The following ECM1 variants were observed in gnomAD, a reference collection of about 807,000 sequenced individuals.
The protein encoded by ECM1 is secretory component p85.
In ECM1, 54 loss-of-function variants were observed where a neutral mutation model predicts 57.9. The ratio of observed to expected loss-of-function variants is 0.93; its 90% CI spans 0.75 to 1.17. The LOEUF (loss-of-function observed/expected upper bound fraction) is 1.17, where lower values mean the gene tolerates loss of function less well. ECM1 is among the 50% of genes most tolerant of loss of function. The pLI, the probability that ECM1 is intolerant of heterozygous loss-of-function variation, is 0.00. For synonymous variants in ECM1, 237 were observed against 259.1 expected (o/e 0.91, Z 0.82); for missense variants, 649 against 688.1 (o/e 0.94, Z 0.64).
chr1:150,510,732 G>T, intron 5 of ECM1, 144 bp from the exon 6 acceptor site: 1 of 860,504 alleles, frequency 1.2e-6, no homozygotes, highest in Non-Finnish European at 1.9e-6. Flanking sequence ...TTAAAAGGAA[G>T]AGCCACAAAT....
chr1:150,513,123 G>A lies in ECM1; in HGVS notation c.1393-114G>A, dbSNP rs73019054. 8.6e-3 allele frequency: 9,715 copies of A among 1,135,804 alleles called. 583 individuals carry two copies. In the African/African-American group the frequency reaches 0.13, roughly 15 times the overall value. 70.4% of individuals were successfully genotyped at this position (1,135,804 alleles called of 1,614,324 possible). A position where few individuals can be genotyped will look rare whatever the true frequency, so the allele number is the denominator to read the frequency against. Reference sequence around the variant, plus strand: ...TCTCTCTGGGCCCCAGGAGGGGAACGAGGGAGAGAGCAGTAGAAGCTGATG... The same window carrying A: ...TCTCTCTGGGCCCCAGGAGGGGAACAAGGGAGAGAGCAGTAGAAGCTGATG... On this transcript the variant is annotated intron_variant, in intron 9 of 9. Transcript: ENST00000369047.
In ECM1 at chr1:150,511,029, T is replaced by C; in HGVS notation, c.539T>C (p.Ile180Thr). 1 of 1,614,184 alleles carries C rather than the reference T, an allele frequency of 6.2e-7. No homozygotes were observed. The change falls in exon 6 of 10, where the codon ATC becomes ACC. Residue 180 changes from isoleucine (I) to threonine (T), a missense_variant. Ile to Thr is a moderately conservative substitution (Grantham distance 89). Coordinates refer to ENST00000369047, the MANE Select transcript of ECM1 (RefSeq NM_004425.4). ...CCTTCTCCAGACAATCTGAACCAAA[T>C]CTGCCTTCCTAACCGTCAGCATGTG... ...GRPSPDNLNQ[I>T]CLPNRQHVVY...
In ECM1 at chr1:150,512,401, CCCA is replaced by C; in HGVS notation, c.1141_1143del (p.His381del). 1 of 1,613,374 alleles carries C rather than the reference CCCA, an allele frequency of 6.2e-7. No homozygotes were observed. Among genetic ancestry groups the C allele is most frequent in the Non-Finnish European group, 8.5e-7 (1 of 1,179,904 alleles). ...TGTGACCGGGAGTATGCTGTGAAGACCCACCACCACTTGTGTTGCCGCCACCCT... is the reference window on the plus strand; with the variant it reads ...TGTGACCGGGAGTATGCTGTGAAGACCCACCACTTGTGTTGCCGCCACCCT... On this transcript the variant is annotated inframe_deletion, in exon 8 of 10. Transcript: ENST00000369047.
rs1371874862 is a variant in ECM1 at position 150,508,225 on chromosome 1, A to G, written c.16A>G (p.Arg6Gly). Residue 6 changes from arginine (R) to glycine (G), a missense_variant, in exon 1 of 10, where the codon AGA becomes GGA. Arg to Gly is a moderately radical substitution (Grantham distance 125, BLOSUM62 -2). Transcript: ENST00000369047. The part of the protein sequence containing the change: MGTTA[R>G]AALVLTYLAV... ...TTGCCCCAGGATGGGGACCACAGCC[A>G]GAGCAGCCTTGGTCTTGACCTATTT... 1 of 1,614,160 alleles carries G rather than the reference A, an allele frequency of 6.2e-7. No homozygotes were observed. Among genetic ancestry groups the G allele is most frequent in the East Asian group, 2.2e-5 (1 of 44,872 alleles).
rs147907925 is a variant in ECM1, at chr1:150,512,763, G to A, written c.1343G>A (p.Arg448His). 2.5e-4 allele frequency: 403 copies of A among 1,614,052 alleles called. 3 individuals carry two copies. The South Asian group carries it at 3.5e-3, about 14-fold the overall frequency. ...IPGLIHNMTA[R>H]CCDLPFPEQA... The stretch of plus-strand genomic sequence containing the variant: ...GGGCTGATCCACAACATGACTGCCC[G>A]CTGCTGTGACCTGCCATTTCCAGAA... The change falls in exon 9 of 10, where the codon CGC (arginine) becomes CAC (histidine). Residue 448 changes from arginine (R) to histidine (H), a missense_variant. Coordinates refer to ENST00000369047, the MANE Select transcript of ECM1 (RefSeq NM_004425.4).
At position 150,509,668 on chromosome 1, in the gene ECM1, C is replaced by T. The variant is rs201295989; in HGVS notation, c.129C>T (p.Tyr43=). The change falls in exon 3 of 10, where the codon TAC becomes TAT. Residue 43 remains tyrosine, a synonymous_variant. Coordinates refer to ENST00000369047, the MANE Select transcript of ECM1 (RefSeq NM_004425.4). ...CTCCCCTCTTGCTTCTAGTTGGCTA[C>T]GCAGCTCCCCCCTCCCCACCCCTAT... ...LRPEHFQEVG[Y]AAPPSPPLSR... is the part of the protein sequence containing the mutation. 123 of 1,613,748 alleles carry T rather than the reference C, an allele frequency of 7.6e-5. 1 individual carries two copies. In the East Asian group the frequency reaches 9.8e-4, roughly 13 times the overall value.
At chr1:150,511,946 CG>C (rs1670457280) in intron 7 of ECM1, 115 bp downstream of exon 7, 1 of 1,363,970 alleles carries the variant, frequency 7.3e-7, no homozygotes, top group Non-Finnish European at 9.8e-7. Flanking sequence ...TGCGTCCACC[CG>C]TTCATCTGCT....
chr1:150,508,130 A>G lies in ECM1; in HGVS notation c.-80A>G. ...TCACAACCGTAACAGCCACCAGACA[A>G]GCTTCAGTGGCCGGCCCTTCACATC... On this transcript the variant is annotated 5_prime_UTR_variant, in exon 1 of 10. Coordinates refer to ENST00000369047, the MANE Select transcript of ECM1 (RefSeq NM_004425.4). 7.5e-7 allele frequency: 1 copy of G among 1,338,352 alleles called. No individual in the cohort carries two copies. Among genetic ancestry groups the G allele is most frequent in the Non-Finnish European group, 1.1e-6 (1 of 930,494 alleles). The allele number at this position is 1,338,352 out of a possible 1,614,324, so 82.9% of individuals were successfully genotyped here.
chr1:150,511,510 A>G lies in ECM1; in HGVS notation c.762A>G (p.Arg254=). Residue 254 remains arginine, a synonymous_variant, in exon 7 of 10, where the codon CGA becomes CGG. Coordinates refer to ENST00000369047, the MANE Select transcript of ECM1 (RefSeq NM_004425.4). ...FCEAEFSVKT[R]PHWCCTRQGE... is the part of the protein sequence containing the mutation. ...AGGCCGAGTTCTCGGTCAAGACCCG[A>G]CCCCACTGGTGCTGCACGCGGCAGG... 1 of 1,613,736 alleles carries G rather than the reference A, an allele frequency of 6.2e-7. No individual in the cohort carries two copies. Among genetic ancestry groups the G allele is most frequent in the Non-Finnish European group, 8.5e-7 (1 of 1,179,904 alleles).
Position 150,511,086 on chromosome 1 carries a change from G to C in ECM1, c.596G>C (p.Ser199Thr), listed in dbSNP as rs776251618. Reference protein sequence around the residue: ...VYGPWNLPQSSYSHLTRQGET... With the variant: ...VYGPWNLPQSTYSHLTRQGET... Reference sequence around the variant, plus strand: ...GGTCCCTGGAACCTACCACAGTCCAGCTACTCCCACCTCACTCGCCAGGGT... The same window carrying C: ...GGTCCCTGGAACCTACCACAGTCCACCTACTCCCACCTCACTCGCCAGGGT... Residue 199 changes from serine (S) to threonine (T), a missense_variant, in exon 6 of 10, where the codon AGC becomes ACC. Coordinates refer to ENST00000369047, the MANE Select transcript of ECM1 (RefSeq NM_004425.4). 1.2e-6 allele frequency: 2 copies of C among 1,614,200 alleles called. No homozygotes were observed. The highest frequency in any genetic ancestry group is 1.1e-5 in the South Asian group (1 of 91,090).
At position 150,510,763 on chromosome 1, in the gene ECM1, A is replaced by G. The variant is rs146386548; in HGVS notation, c.386-113A>G. The G allele has an allele frequency of 3.9e-5, 42 of 1,082,276 alleles. No individual in the cohort carries two copies. The African/African-American group carries it at 4.9e-4, about 13-fold the overall frequency. The allele number at this position is 1,082,276 out of a possible 1,614,324, so 67.0% of individuals were successfully genotyped here. ...CAAATTGTTCTTTCTCATTTCCACT[A>G]TATCCTCCCAACCCTTTCTCCTCCA... On this transcript the variant is annotated intron_variant, in intron 5 of 9. Transcript: ENST00000369047.
At chr1:150,511,333 A>T (rs368166539) in intron 6 of ECM1, 124 bp from the exon 7 acceptor site, 5 of 1,583,776 alleles carry the variant, frequency 3.2e-6, no homozygotes, top group South Asian at 2.2e-5. Flanking sequence ...GGCCTCCCCA[A>T]TGTGCCAGGG....
intron 1 of ECM1, among the ~76,000 whole-genome samples, chr1:150,509,074 A>G (rs1570881624): frequency 6.6e-6 from 1 of 152,304 alleles, no homozygotes; most frequent in East Asian, 1.9e-4. Context: ...CCAAAGGCCT[A>G]AAGATGTTTC....
At chr1:150,508,308 G>A (rs1189625071) in intron 1 of ECM1, 29 bp downstream of exon 1, 1 of 1,606,608 alleles carries the variant, frequency 6.2e-7, no homozygotes, top group Non-Finnish European at 8.5e-7. Context: ...ACTTAGGAGG[G>A]GGTCTGGGCT....
Position 150,511,785 on chromosome 1 carries a change from A to G in ECM1, c.1037A>G (p.Gln346Arg), listed in dbSNP as rs1385869798. 6.2e-7 allele frequency: 1 copy of G among 1,613,164 alleles called. No homozygotes were observed. The highest frequency in any genetic ancestry group is 8.5e-7 in the Non-Finnish European group (1 of 1,179,320). ...CTGATCCAGCTGGAGAGGGAGTTCCAGCGCTGCTGCCGCCAGGGGAACAAT... is the reference window on the plus strand; with the variant it reads ...CTGATCCAGCTGGAGAGGGAGTTCCGGCGCTGCTGCCGCCAGGGGAACAAT... ...LALIQLEREF[Q>R]RCCRQGNNHT... is the part of the protein sequence containing the mutation. The change falls in exon 7 of 10, where the codon CAG becomes CGG. Residue 346 changes from glutamine to arginine, a missense_variant. Transcript: ENST00000369047.
intron 1 of ECM1, 41 bp downstream of exon 1, chr1:150,508,320 G>A: frequency 1.3e-6 from 2 of 1,578,560 alleles, no homozygotes; most frequent in Non-Finnish European, 1.7e-6. Flanking sequence ...GTCTGGGCTT[G>A]CATGGCAGGG....
chr1:150,513,655 C>G lies in ECM1; in HGVS notation c.*188C>G. On this transcript the variant is annotated 3_prime_UTR_variant, in exon 10 of 10. Coordinates refer to ENST00000369047, the MANE Select transcript of ECM1 (RefSeq NM_004425.4). ...GGCACTGGCGTTTTCAGACACACCA[C>G]AGACAAACACACCCTCCTAAGCCTG... is the stretch of plus-strand genomic sequence containing the variant. 5.1e-6 allele frequency: 3 copies of G among 589,452 alleles called. No homozygotes were observed. The highest frequency in any genetic ancestry group is 4.0e-5 in the South Asian group (2 of 50,168). The allele number at this position is 589,452 out of a possible 1,614,324, so 36.5% of individuals were successfully genotyped here.
chr1:150,511,285 T>C, intron 6 of ECM1, 87 bp downstream of exon 6: 5 of 1,595,744 alleles, frequency 3.1e-6, no homozygotes, highest in Non-Finnish European at 4.3e-6. Flanking sequence ...GGCCTGGGTC[T>C]GGAGGAACCT....
chr1:150,510,735 C>A, intron 5 of ECM1, 141 bp from the exon 6 acceptor site: 1 of 882,424 alleles, frequency 1.1e-6, no homozygotes. Context: ...AAAGGAAGAG[C>A]CACAAATTGT....
Sources: allele counts gnomAD v4.1 joint callset (sites outside exome capture counted in the v4.1 genomes callset), GRCh38; gene constraint gnomAD v4.1.1; transcripts MANE v1.5; gene names NCBI Gene and HGNC (gene_info 2026-07-23, HGNC 2026-07-21).